Variants in PDS5B observed in about 807,000 individuals in gnomAD.
PDS5B encodes PDS5 cohesin associated factor B, also known as sister chromatid cohesion protein PDS5 homolog B.
Under a neutral mutation model 184.1 loss-of-function variants are expected in PDS5B, and 51 were observed. That is an observed-to-expected ratio of 0.28 (90% CI 0.22 to 0.35). PDS5B has a LOEUF of 0.35. Among genes scored for constraint, PDS5B ranks in the 10% least tolerant of loss-of-function variants. The probability of loss-of-function intolerance (pLI) is 1.00; values close to 1 mark genes in which losing one functional copy is unlikely to be tolerated. For synonymous variants in PDS5B, 566 were observed against 569.2 expected (o/e 0.99, Z 0.08); for missense variants, 1,180 against 1,723.3 (o/e 0.68, Z 5.58).
intron 21 of PDS5B, 120 bp from the exon 22 acceptor site, chr13:32,740,960 A>G: frequency 1.6e-6 from 1 of 636,550 alleles, no homozygotes; most frequent in Non-Finnish European, 2.8e-6. Flanking sequence ...CTTTAGTCAT[A>G]TATAACAAAT....
At chr13:32,701,830 T>G (rs987056948) in intron 17 of PDS5B, among the ~76,000 whole-genome samples, 3 of 152,092 alleles carry the variant, frequency 2.0e-5, no homozygotes, top group Admixed American at 6.6e-5. Context: ...CTTGGGAAAC[T>G]AGGTGAATCT....
At chr13:32,727,665 TATCA>T (rs1267718017) in intron 19 of PDS5B, among the ~76,000 whole-genome samples, 1 of 152,158 alleles carries the variant, frequency 6.6e-6, no homozygotes, top group African/African-American at 2.4e-5. Context: ...AAAAGTGTTC[TATCA>T]ATCCTTGTTC....
intron 30 of PDS5B, 148 bp downstream of exon 30, chr13:32,760,868 T>G (rs996089730): frequency 5.2e-6 from 4 of 763,608 alleles, no homozygotes; most frequent in Non-Finnish European, 8.3e-6. Context: ...TAGTCACAAG[T>G]TCATACTTAT....
intron 13 of PDS5B, chr13:32,691,349 G>A (rs1286490576): frequency 1.3e-5 from 2 of 151,838 alleles, no homozygotes; most frequent in Non-Finnish European, 2.9e-5. Context: ...TCATTTCACT[G>A]TGCTATAGAA....
In PDS5B at chr13:32,719,128, G is replaced by T. The variant is rs567852334; in HGVS notation, c.2123+9022G>T. Among the ~76,000 whole-genome samples, 149 of 152,270 alleles carry T rather than the reference G, an allele frequency of 9.8e-4. 1 individual carries two copies. Among genetic ancestry groups the T allele is most frequent in the African/African-American group, 3.3e-3 (139 of 41,548 alleles). On this transcript the variant is annotated intron_variant, in intron 19 of 34. Transcript: ENST00000315596. ...TAACTTCCTTGTTTGTAGAGGAAGG[G>T]ACACTTATACCAAGTCATGAATGAA...
At chr13:32,690,091 A>G (rs755582391) in intron 13 of PDS5B, 4 of 152,206 alleles carry the variant, frequency 2.6e-5, no homozygotes, top group Non-Finnish European at 5.9e-5. Context: ...AGAATTTGAA[A>G]CACTTCTATA....
chr13:32,602,780 A>G (rs2057997997), intron 1 of PDS5B, among the ~76,000 whole-genome samples: 1 of 152,120 alleles, frequency 6.6e-6, no homozygotes, highest in South Asian at 2.1e-4. Flanking sequence ...CTTTTTAAAG[A>G]TCGCCATTCT....
chr13:32,685,186 C>T (rs879383400), intron 11 of PDS5B, among the ~76,000 whole-genome samples: 11 of 152,128 alleles, frequency 7.2e-5, no homozygotes, highest in African/African-American at 1.9e-4. Flanking sequence ...GCTGGTTGTG[C>T]GTGGAGGATA....
At chr13:32,736,551 A>T (rs1006893655) in intron 21 of PDS5B, among the ~76,000 whole-genome samples, 2 of 151,634 alleles carry the variant, frequency 1.3e-5, no homozygotes, top group Non-Finnish European at 2.9e-5. Flanking sequence ...TCTGTTTTCC[A>T]TTGGTTTCCA....
At chr13:32,604,192 G>A (rs1244886416) in intron 1 of PDS5B, among the ~76,000 whole-genome samples, 1 of 152,190 alleles carries the variant, frequency 6.6e-6, no homozygotes, top group Non-Finnish European at 1.5e-5. Context: ...TGCCCATTCA[G>A]TATGATATTG....
rs113855064 is a variant in PDS5B, at chr13:32,601,963, T to C, written c.-20+15370T>C. Among the ~76,000 whole-genome samples the C allele has an allele frequency of 6.5e-3, 997 of 152,332 alleles. 5 individuals are homozygous for C. Among genetic ancestry groups the C allele is most frequent in the Middle Eastern group, 0.017 (5 of 294 alleles). On this transcript the variant is annotated intron_variant, in intron 1 of 34. Coordinates refer to ENST00000315596, the MANE Select transcript of PDS5B (RefSeq NM_015032.4). ...TTGATTTTTCTTTTGAATTTGAACA[T>C]TGTCCGTTTTGTTTTAATGTAAATG...
At chr13:32,745,819 G>C (rs1438291898) in intron 23 of PDS5B, among the ~76,000 whole-genome samples, 158 bp from the exon 24 acceptor site, 1 of 152,132 alleles carries the variant, frequency 6.6e-6, no homozygotes, top group Non-Finnish European at 1.5e-5. Context: ...CTAGGTACTT[G>C]CATTTCAACA....
chr13:32,680,235 A>G (rs1951201027), intron 10 of PDS5B, among the ~76,000 whole-genome samples: 1 of 152,064 alleles, frequency 6.6e-6, no homozygotes, highest in Non-Finnish European at 1.5e-5. Flanking sequence ...GCTTTCCTCA[A>G]ATGATTGGCA....
chr13:32,611,648 C>T (rs1376738056), intron 1 of PDS5B, among the ~76,000 whole-genome samples: 1 of 151,748 alleles, frequency 6.6e-6, no homozygotes, highest in Non-Finnish European at 1.5e-5. Context: ...GCTGGGACTA[C>T]AGGTGCGTGC....
At position 32,717,064 on chromosome 13, in the gene PDS5B, G is replaced by C. The variant is rs1299888097; in HGVS notation, c.2123+6958G>C. Among the ~76,000 whole-genome samples, 16 of 147,046 alleles carry C rather than the reference G, an allele frequency of 1.1e-4. No homozygotes were observed. In the East Asian group the frequency reaches 3.2e-3, roughly 29 times the overall value. On this transcript the variant is annotated intron_variant, in intron 19 of 34. Transcript: ENST00000315596. ...GGCCAGCCGCCTCGTCCGGGAGGGA[G>C]GTGGGGGGGTCAGCCCCCCGCCCGG...
intron 6 of PDS5B, among the ~76,000 whole-genome samples, chr13:32,667,044 G>A (rs925610997): frequency 6.6e-6 from 1 of 152,012 alleles, no homozygotes. Context: ...TAAAATACAA[G>A]CATTAAGGCA....
intron 31 of PDS5B, among the ~76,000 whole-genome samples, chr13:32,768,218 G>A (rs1158559162): frequency 6.6e-6 from 1 of 152,180 alleles, no homozygotes; most frequent in African/African-American, 2.4e-5. Context: ...AGCAGATTTG[G>A]TTCCTGATGA....
intron 19 of PDS5B, among the ~76,000 whole-genome samples, chr13:32,726,815 A>T (rs1952915919): frequency 6.6e-6 from 1 of 152,150 alleles, no homozygotes; most frequent in African/African-American, 2.4e-5. Context: ...CTTTGAGAAT[A>T]TGAGGCGGGA....
At chr13:32,759,594 A>G in intron 28 of PDS5B, 34 bp from the exon 29 acceptor site, 1 of 1,203,144 alleles carries the variant, frequency 8.3e-7, no homozygotes, top group Non-Finnish European at 1.2e-6. Flanking sequence ...GTGTTTTAAT[A>G]TTCACTGACT....
Sources: gnomAD v4.1 joint callset for allele counts (sites outside exome capture counted in the v4.1 genomes callset) on GRCh38, gnomAD v4.1.1 for gene constraint, MANE v1.5 for transcripts, NCBI Gene and HGNC (gene_info 2026-07-23, HGNC 2026-07-21) for gene names.